Variants in CNTNAP3B observed in about 807,000 individuals in gnomAD.
The protein encoded by CNTNAP3B is contactin associated protein family member 3B.
A neutral mutation model predicts 108.9 loss-of-function variants in CNTNAP3B; 25 were observed. The observed-to-expected ratio is 0.23, with a 90% CI of 0.17 to 0.32. The LOEUF is 0.32. Among genes scored for constraint, CNTNAP3B ranks in the 10% least tolerant of loss-of-function variants. CNTNAP3B has a pLI of 1.00. For missense variants in CNTNAP3B, 252 were observed against 1,210.4 expected (o/e 0.21, Z 11.75); for synonymous variants, 103 against 473.4 (o/e 0.22, Z 10.16).
intron 18 of CNTNAP3B, among the ~76,000 whole-genome samples, chr9:41,917,454 T>G (rs995396968): frequency 4.9e-5 from 7 of 141,878 alleles, no homozygotes; most frequent in African/African-American, 1.9e-4. Context: ...CCAAGCTGTG[T>G]ATTTTCATGG....
At chr9:41,916,481 G>A (rs1255560404) in intron 18 of CNTNAP3B, among the ~76,000 whole-genome samples, 2 of 152,206 alleles carry the variant, frequency 1.3e-5, no homozygotes, top group Non-Finnish European at 2.9e-5. Flanking sequence ...CAACCTGAAG[G>A]AACGTTCTTT....
intron 2 of CNTNAP3B, among the ~76,000 whole-genome samples, chr9:42,087,250 C>T (rs1372122306): frequency 5.1e-5 from 7 of 137,802 alleles, no homozygotes; most frequent in Admixed American, 2.2e-4. Context: ...ACATGTTATC[C>T]ATACACAATA....
intron 2 of CNTNAP3B, among the ~76,000 whole-genome samples, chr9:42,089,016 A>C (rs1827763807): frequency 1.6e-5 from 2 of 122,372 alleles, no homozygotes; most frequent in African/African-American, 6.7e-5. Context: ...CAGGAGTTGG[A>C]GACCAGCCTG....
chr9:41,948,347 C>A (rs1443258909), intron 13 of CNTNAP3B, among the ~76,000 whole-genome samples: 1 of 152,192 alleles, frequency 6.6e-6, no homozygotes, highest in Non-Finnish European at 1.5e-5. Flanking sequence ...CTGCCTCAGC[C>A]TCCCAAAGTG....
At chr9:41,964,087 A>G (rs1237692907) in intron 11 of CNTNAP3B, among the ~76,000 whole-genome samples, 2 of 152,306 alleles carry the variant, frequency 1.3e-5, no homozygotes, top group Non-Finnish European at 2.9e-5. Context: ...CCATGATTGC[A>G]TCATCCCAGT....
chr9:42,118,865 AATCAAGATTTTGT>A (rs1828385006), intron 1 of CNTNAP3B, among the ~76,000 whole-genome samples: 1 of 64,026 alleles, frequency 1.6e-5, no homozygotes, highest in Non-Finnish European at 2.9e-5. Context: ...TTTGATACAA[AATCAAGATTTTGT>A]ATCTTGATTT....
At chr9:42,074,697 G>T (rs1207369242) in intron 3 of CNTNAP3B, among the ~76,000 whole-genome samples, 5 of 139,950 alleles carry the variant, frequency 3.6e-5, no homozygotes, top group African/African-American at 1.5e-4. Flanking sequence ...ACGATGGAAG[G>T]CTGAGTCCTG....
At chr9:41,939,151 G>A (rs1429356579) in intron 13 of CNTNAP3B, among the ~76,000 whole-genome samples, 8,779 of 143,600 alleles carry the variant, frequency 0.061, 3 homozygotes, top group Middle Eastern at 0.12. Context: ...GTGAAGATTG[G>A]GGTGATGGAC....
At position 42,093,214 on chromosome 9, in the gene CNTNAP3B, G is replaced by A. The variant is rs559868798; in HGVS notation, c.196+11415C>T. 1.3e-4 allele frequency among the ~76,000 whole-genome samples: 12 copies of A among 94,214 alleles called. 3 individuals are homozygous for A. Among genetic ancestry groups the A allele is most frequent in the African/African-American group, 4.8e-4 (12 of 24,992 alleles). The allele number at this position is 94,214 out of a possible 152,430, so 61.8% of individuals were successfully genotyped here. ...CAAAAAATTAGCCAGGCGTGGTGGC[G>A]CGACCCTGTAATCCCAGTTACTCAG... On this transcript the variant is annotated intron_variant, in intron 2 of 23. Coordinates refer to ENST00000377561, the MANE Select transcript of CNTNAP3B (RefSeq NM_001201380.3).
At chr9:42,064,951 A>G (rs1332213486) in intron 3 of CNTNAP3B, among the ~76,000 whole-genome samples, 2 of 149,444 alleles carry the variant, frequency 1.3e-5, no homozygotes, top group African/African-American at 5.0e-5. Flanking sequence ...TAGAATGATT[A>G]GATTTCTTTT....
chr9:41,966,405 C>G (rs1318391882), intron 10 of CNTNAP3B, among the ~76,000 whole-genome samples: 11 of 152,404 alleles, frequency 7.2e-5, no homozygotes, highest in Non-Finnish European at 1.0e-4. Context: ...AACACAACAT[C>G]AATTGTGAAA....
At chr9:41,957,805 G>A (rs1206389968) in intron 12 of CNTNAP3B, among the ~76,000 whole-genome samples, 5 of 152,346 alleles carry the variant, frequency 3.3e-5, no homozygotes, top group African/African-American at 1.2e-4. Context: ...CTGTCACCCA[G>A]GCTGGAGTTC....
Position 41,995,757 on chromosome 9 carries a change from C to A in CNTNAP3B, c.1071+448G>T, listed in dbSNP as rs1313458370. On this transcript the variant is annotated intron_variant, in intron 7 of 23. Transcript: ENST00000377561. The stretch of plus-strand genomic sequence containing the variant: ...AAAAAAAAAAAAAAAAAAAATTGGC[C>A]AGGCCCGGTGGCTCACACCTGTAAT... Among the ~76,000 whole-genome samples the A allele has an allele frequency of 2.1e-3, 271 of 131,734 alleles. 51 individuals carry two copies. The highest frequency in any genetic ancestry group is 8.1e-3 in the African/African-American group (263 of 32,568). The allele number at this position is 131,734 out of a possible 152,430, so 86.4% of individuals were successfully genotyped here.
intron 13 of CNTNAP3B, among the ~76,000 whole-genome samples, chr9:41,943,567 T>A (rs1434478896): frequency 2.6e-5 from 4 of 151,522 alleles, no homozygotes; most frequent in Non-Finnish European, 4.4e-5. Context: ...GTAGCCAGGA[T>A]GGTCTGGATC....
chr9:42,089,899 C>G (rs1224656776), intron 2 of CNTNAP3B, among the ~76,000 whole-genome samples: 1 of 139,608 alleles, frequency 7.2e-6, no homozygotes, highest in South Asian at 2.3e-4. Context: ...GTACTCTGCA[C>G]GTGAGAGTTC....
At chr9:42,107,935 A>T (rs1367058553) in intron 1 of CNTNAP3B, among the ~76,000 whole-genome samples, 1 of 125,900 alleles carries the variant, frequency 7.9e-6, no homozygotes, top group Non-Finnish European at 1.7e-5. Context: ...AGATGGTGCC[A>T]GTACACTCTA....
rs1189815925 is a variant in CNTNAP3B at position 42,114,468 on chromosome 9, CT to C, written c.86-9730del. ...AGATGTCAAAAAGATAATTTTAAAA[CT>C]TTAGGAAAACAACAGGCATTATCCC... On this transcript the variant is annotated intron_variant, in intron 1 of 23. Transcript: ENST00000377561. 2.9e-5 allele frequency among the ~76,000 whole-genome samples: 3 copies of C among 104,076 alleles called. No homozygotes were observed. The East Asian group carries it at 9.1e-4, about 31-fold the overall frequency. 68.3% of individuals were successfully genotyped at this position (104,076 alleles called of 152,430 possible). A position where few individuals can be genotyped will look rare whatever the true frequency, so the allele number is the denominator to read the frequency against.
intron 14 of CNTNAP3B, among the ~76,000 whole-genome samples, chr9:41,933,224 CAT>C (rs1363260758): frequency 5.3e-5 from 8 of 152,114 alleles, no homozygotes; most frequent in Admixed American, 2.6e-4. Context: ...TTTTTTTTGT[CAT>C]GGGGGGGGCT....
At chr9:42,084,351 C>A (rs961322665) in intron 2 of CNTNAP3B, among the ~76,000 whole-genome samples, 1 of 115,938 alleles carries the variant, frequency 8.6e-6, no homozygotes. Context: ...GCGGAGAGGG[C>A]TGGAATGGAG....
Sources: gnomAD v4.1 joint callset for allele counts (sites outside exome capture counted in the v4.1 genomes callset) on GRCh38, gnomAD v4.1.1 for gene constraint, MANE v1.5 for transcripts, NCBI Gene and HGNC (gene_info 2026-07-23, HGNC 2026-07-21) for gene names.